Variants in KIAA0753 observed in about 807,000 individuals in gnomAD.
KIAA0753 encodes KIAA0753, also known as protein moonraker.
Under a neutral mutation model 116.9 loss-of-function variants are expected in KIAA0753, and 114 were observed. The observed-to-expected ratio is 0.98, with a 90% CI of 0.84 to 1.14. KIAA0753 has a LOEUF of 1.14. KIAA0753 is among the 50% of genes most tolerant of loss of function. The pLI is 0.00. For missense variants in KIAA0753, 1,156 were observed against 1,172.4 expected (o/e 0.99, Z 0.20); for synonymous variants, 405 against 413.1 (o/e 0.98, Z 0.24).
At chr17:6,622,066 C>T (rs1224119271) in intron 6 of KIAA0753, among the ~76,000 whole-genome samples, 1 of 152,074 alleles carries the variant, frequency 6.6e-6, no homozygotes, top group African/African-American at 2.4e-5. Context: ...CCACTATCCA[C>T]CTTTCTTCTA....
rs1967980129 is a variant in KIAA0753, at chr17:6,579,430, T to C, written c.*317A>G. On this transcript the variant is annotated 3_prime_UTR_variant, in exon 19 of 19. Coordinates refer to ENST00000361413, the MANE Select transcript of KIAA0753 (RefSeq NM_014804.3). ...TCGATTATCTTTCAAAACATTTTCA[T>C]CACCAAACTGAGCCAGAGGAATGAA... The C allele has an allele frequency of 4.3e-6, 1 of 231,374 alleles. No individual in the cohort carries two copies. The highest frequency in any genetic ancestry group is 8.5e-6 in the Non-Finnish European group (1 of 117,250). The allele number at this position is 231,374 out of a possible 1,614,324, so 14.3% of individuals were successfully genotyped here. A position where few individuals can be genotyped will look rare whatever the true frequency, so the allele number is the denominator to read the frequency against.
intron 18 of KIAA0753, among the ~76,000 whole-genome samples, chr17:6,583,377 CT>C (rs145990604): frequency 0.021 from 3,134 of 152,220 alleles, 105 homozygotes; most frequent in African/African-American, 0.07. Flanking sequence ...CTTCTTGAAT[CT>C]ACGGCTTGAT....
Position 6,607,277 on chromosome 17 carries a change from G to C in KIAA0753, c.1830-7C>G. The C allele has an allele frequency of 1.9e-6, 3 of 1,613,582 alleles. No homozygotes were observed. Among genetic ancestry groups the C allele is most frequent in the Non-Finnish European group, 2.5e-6 (3 of 1,179,632 alleles). On this transcript the variant is annotated splice_polypyrimidine_tract_variant and splice_region_variant and intron_variant, in intron 10 of 18. Transcript: ENST00000361413. ...AGCATCAAGCCAAGCGAGCCTAGCAGACAGTCAAAAGAGTCAAACCAATTC... is the reference window on the plus strand; with the variant it reads ...AGCATCAAGCCAAGCGAGCCTAGCACACAGTCAAAAGAGTCAAACCAATTC...
At chr17:6,607,057 G>A in intron 11 of KIAA0753, 95 bp from the exon 12 acceptor site, 2 of 1,410,118 alleles carry the variant, frequency 1.4e-6, no homozygotes. Context: ...GGCTTCTTAA[G>A]TGACTTCAGT....
intron 2 of KIAA0753, among the ~76,000 whole-genome samples, chr17:6,629,596 T>C (rs946361910): frequency 1.3e-5 from 2 of 152,174 alleles, no homozygotes; most frequent in Admixed American, 6.5e-5. Flanking sequence ...TTTAAATATG[T>C]ACCCTCCTTA....
chr17:6,595,491 C>CAAA (rs569470065), intron 15 of KIAA0753, among the ~76,000 whole-genome samples: 2 of 147,632 alleles, frequency 1.4e-5, no homozygotes, highest in African/African-American at 4.9e-5. Flanking sequence ...CTTTCAAATC[C>CAAA]AAAAAAAAAA....
rs1398646900 is a variant in KIAA0753 at position 6,624,849 on chromosome 17, T to G, written c.731A>C (p.Glu244Ala). Residue 244 changes from glutamate to alanine, a missense_variant, in exon 4 of 19, where the codon GAA becomes GCA. Physicochemically the swap from Glu to Ala is moderately radical, Grantham distance 107 (BLOSUM62 -1). Transcript: ENST00000361413. ...EEVTKKDRLE[E>A]ALDPDEERRI... Reference sequence around the variant, plus strand: ...ACGTTCTTCATCTGGATCCAAAGCTTCTTCTAGTCTATCTGAAAATATTAA... The same window carrying G: ...ACGTTCTTCATCTGGATCCAAAGCTGCTTCTAGTCTATCTGAAAATATTAA... The G allele has an allele frequency of 2.6e-6, 4 of 1,554,968 alleles. No individual in the cohort carries two copies. The highest frequency in any genetic ancestry group is 1.2e-5 in the South Asian group (1 of 84,606).
At chr17:6,624,950 A>C in intron 3 of KIAA0753, 89 bp from the exon 4 acceptor site, 1 of 854,804 alleles carries the variant, frequency 1.2e-6, no homozygotes, top group Non-Finnish European at 1.8e-6. Flanking sequence ...GAAATAATAA[A>C]GTTGAAGATC....
At chr17:6,587,757 G>A (rs1255742218) in intron 18 of KIAA0753, among the ~76,000 whole-genome samples, 1 of 152,176 alleles carries the variant, frequency 6.6e-6, no homozygotes, top group Non-Finnish European at 1.5e-5. Context: ...GGGTCAACCT[G>A]AGGGCCTAAA....
Position 6,639,828 on chromosome 17 carries a change from A to G in KIAA0753, c.-69+809T>C, listed in dbSNP as rs561261608. On this transcript the variant is annotated intron_variant, in intron 1 of 18. Coordinates refer to ENST00000361413, the MANE Select transcript of KIAA0753 (RefSeq NM_014804.3). This position sits in a 1 kb window ranked among gnomAD's most constrained non-coding sequence, Gnocchi z 4.3. The stretch of plus-strand genomic sequence containing the variant: ...TCAGCCACAGGTGCAGAATGCTCTC[A>G]TGGCCCAGAGATCCCGGGCGACCTT... The G allele has an allele frequency of 1.2e-3, 184 of 152,880 alleles. No homozygotes were observed. The highest frequency in any genetic ancestry group is 2.1e-3 in the Non-Finnish European group (145 of 68,212). The allele number at this position is 152,880 out of a possible 1,614,324, so 9.5% of individuals were successfully genotyped here. A position where few individuals can be genotyped will look rare whatever the true frequency, so the allele number is the denominator to read the frequency against.
Position 6,639,921 on chromosome 17 carries a change from C to A in KIAA0753, c.-69+716G>T, listed in dbSNP as rs1479747236. 1 of 153,656 alleles carries A rather than the reference C, an allele frequency of 6.5e-6. No homozygotes were observed. The highest frequency in any genetic ancestry group is 1.5e-5 in the Non-Finnish European group (1 of 68,928). The allele number at this position is 153,656 out of a possible 1,614,324, so 9.5% of individuals were successfully genotyped here. ...CCCCAGACCCGGTCACCCACACAGC[C>A]CCGGCAAGCCCCACCACCTCGGGCT... On this transcript the variant is annotated intron_variant, in intron 1 of 18. Transcript: ENST00000361413. The surrounding 1 kb of genome is among the most constrained non-coding windows in gnomAD (Gnocchi z 4.3).
At chr17:6,598,199 T>A (rs1007090926) in intron 14 of KIAA0753, among the ~76,000 whole-genome samples, 2 of 152,170 alleles carry the variant, frequency 1.3e-5, no homozygotes, top group African/African-American at 4.8e-5. Context: ...CCTCTCTGGG[T>A]TAAATGTTAG....
At chr17:6,619,325 T>G (rs944162557) in intron 7 of KIAA0753, among the ~76,000 whole-genome samples, 1 of 152,224 alleles carries the variant, frequency 6.6e-6, no homozygotes, top group Non-Finnish European at 1.5e-5. Flanking sequence ...GCCGGTAATA[T>G]TCTATTCCTT....
At chr17:6,591,461 C>A (rs1359949221) in intron 16 of KIAA0753, among the ~76,000 whole-genome samples, 2 of 152,160 alleles carry the variant, frequency 1.3e-5, no homozygotes, top group African/African-American at 4.8e-5. Flanking sequence ...GACACAGATA[C>A]TGCACAATGA....
intron 7 of KIAA0753, among the ~76,000 whole-genome samples, chr17:6,617,542 T>A (rs1278144505): frequency 6.6e-6 from 1 of 152,234 alleles, no homozygotes; most frequent in Non-Finnish European, 1.5e-5. Context: ...GCTAGGTTCA[T>A]CTTTTTTCCT....
intron 7 of KIAA0753, among the ~76,000 whole-genome samples, chr17:6,619,620 T>G (rs1209780127): frequency 6.6e-6 from 1 of 151,908 alleles, no homozygotes; most frequent in Admixed American, 6.6e-5. Flanking sequence ...AGAGACAGAG[T>G]CTACTTATGT....
At chr17:6,616,558 C>T (rs1247190843) in intron 7 of KIAA0753, among the ~76,000 whole-genome samples, 2 of 152,204 alleles carry the variant, frequency 1.3e-5, no homozygotes, top group Non-Finnish European at 2.9e-5. Context: ...GGCGAGGTGG[C>T]TCACACCTGT....
intron 12 of KIAA0753, chr17:6,601,125 T>C (rs1969842666): frequency 6.6e-6 from 1 of 152,402 alleles, no homozygotes; most frequent in African/African-American, 2.4e-5. Context: ...CTTAGGCACA[T>C]GACTGGTAGT....
At chr17:6,623,382 C>T in intron 5 of KIAA0753, 127 bp downstream of exon 5, 1 of 753,612 alleles carries the variant, frequency 1.3e-6, no homozygotes, top group Non-Finnish European at 2.2e-6. Context: ...GGTGCTCACT[C>T]CCTCACTAAC....
Sources: gnomAD v4.1 joint callset for allele counts (sites outside exome capture counted in the v4.1 genomes callset) on GRCh38, gnomAD v4.1.1 for gene constraint, Gnocchi (gnomAD v3.1) non-coding constraint, MANE v1.5 for transcripts, NCBI Gene and HGNC (gene_info 2026-07-23, HGNC 2026-07-21) for gene names.